Variants in SRPK1 observed in about 807,000 individuals in gnomAD.
The protein encoded by SRPK1 is SFRS protein kinase 1.
Under a neutral mutation model 89.5 loss-of-function variants are expected in SRPK1, and 52 were observed. That is an observed-to-expected ratio of 0.58 (90% CI 0.46 to 0.73). SRPK1 has a LOEUF of 0.73. Ranked by LOEUF, SRPK1 falls within the 30% of genes least tolerant of loss-of-function variation. The pLI, the probability that SRPK1 is intolerant of heterozygous loss-of-function variation, is 0.00. For synonymous variants in SRPK1, 255 were observed against 270.2 expected, an observed-to-expected ratio of 0.94 and a Z score of 0.55; for missense variants, 603 against 780.6, an observed-to-expected ratio of 0.77 and a Z score of 2.71.
intron 2 of SRPK1, among the ~76,000 whole-genome samples, chr6:35,912,265 C>T (rs758695325): frequency 3.5e-4 from 53 of 152,218 alleles, no homozygotes; most frequent in African/African-American, 1.2e-3. Context: ...GCAGGAGGAA[C>T]GCATGCACCC....
chr6:35,855,932 G>A (rs1769656383), intron 13 of SRPK1, among the ~76,000 whole-genome samples: 1 of 152,128 alleles, frequency 6.6e-6, no homozygotes, highest in Admixed American at 6.5e-5. Context: ...TCATCATGTT[G>A]GTCAGGCTGG....
At position 35,888,911 on chromosome 6, in the gene SRPK1, AGAT is replaced by A. The variant is rs1285325020; in HGVS notation, c.203_205del (p.His68del). On this transcript the variant is annotated inframe_deletion, in exon 4 of 16. Transcript: ENST00000373825. Reference sequence around the variant, plus strand: ...ATTGAATAGATCTCCAATTTTCACAAGATGATAACCTCCTGGAAGAAACAGGGG... The same window carrying A: ...ATTGAATAGATCTCCAATTTTCACAAGATAACCTCCTGGAAGAAACAGGGG... 5.0e-6 allele frequency: 8 copies of A among 1,610,894 alleles called. No homozygotes were observed. Among genetic ancestry groups the A allele is most frequent in the Non-Finnish European group, 5.9e-6 (7 of 1,177,212 alleles).
At chr6:35,872,436 G>C (rs1770053196) in intron 8 of SRPK1, 127 bp downstream of exon 8, 1 of 874,866 alleles carries the variant, frequency 1.1e-6, no homozygotes, top group Non-Finnish European at 1.6e-6. Flanking sequence ...CTTGGAAGCT[G>C]ATAATGTTTC....
intron 6 of SRPK1, among the ~76,000 whole-genome samples, chr6:35,881,435 A>ATAGATATAGAT (rs1770286265): frequency 1.8e-5 from 1 of 55,504 alleles, no homozygotes; most frequent in Non-Finnish European, 3.5e-5. Flanking sequence ...ACATATAGAT[A>ATAGATATAGAT]TAGATATAGA....
intron 3 of SRPK1, 46 bp from the exon 4 acceptor site, chr6:35,888,969 A>G (rs1770464170): frequency 7.5e-7 from 1 of 1,341,710 alleles, no homozygotes; most frequent in Non-Finnish European, 1.1e-6. Context: ...AGGATGAGAA[A>G]CAATGGTAAG....
intron 6 of SRPK1, among the ~76,000 whole-genome samples, chr6:35,883,953 T>G (rs1770351150): frequency 1.3e-5 from 2 of 152,064 alleles, no homozygotes; most frequent in Admixed American, 6.6e-5. Context: ...CAAGATGGTC[T>G]CGGTCTCCTG....
chr6:35,862,381 C>T (rs73729611), intron 12 of SRPK1, among the ~76,000 whole-genome samples: 1 of 152,134 alleles, frequency 6.6e-6, no homozygotes, highest in Non-Finnish European at 1.5e-5. Flanking sequence ...CCCTAAGCCA[C>T]AGAGGAAATT....
chr6:35,862,073 T>TAACAAA (rs1769794093), intron 12 of SRPK1, among the ~76,000 whole-genome samples: 1 of 151,532 alleles, frequency 6.6e-6, no homozygotes, highest in African/African-American at 2.4e-5. Flanking sequence ...CCATCACAGC[T>TAACAAA]AACAACAACA....
At chr6:35,846,819 C>A (rs1769435941) in intron 13 of SRPK1, among the ~76,000 whole-genome samples, 1 of 152,158 alleles carries the variant, frequency 6.6e-6, no homozygotes, top group Non-Finnish European at 1.5e-5. Flanking sequence ...GGCTTCACTG[C>A]TGAATTCTAC....
chr6:35,885,298 C>CACACACAGAGAGAG (rs1276672274), intron 6 of SRPK1, among the ~76,000 whole-genome samples: 4 of 113,186 alleles, frequency 3.5e-5, no homozygotes, highest in Middle Eastern at 4.5e-3. Flanking sequence ...CACACACACA[C>CACACACAGAGAGAG]AGAGAGAGAG....
intron 2 of SRPK1, among the ~76,000 whole-genome samples, chr6:35,910,717 G>A (rs559951481): frequency 9.2e-5 from 14 of 152,246 alleles, no homozygotes; most frequent in Admixed American, 2.6e-4. Context: ...AGCAGCTAAC[G>A]TACCTAGTGA....
intron 2 of SRPK1, among the ~76,000 whole-genome samples, chr6:35,892,653 AAACAAC>A (rs34158380): frequency 0.028 from 4,121 of 148,486 alleles, 172 homozygotes; most frequent in African/African-American, 0.089. Flanking sequence ...TTCTGTCTAA[AAACAAC>A]AACAACAACA....
chr6:35,910,880 A>G (rs750633508), intron 2 of SRPK1, among the ~76,000 whole-genome samples: 6 of 152,236 alleles, frequency 3.9e-5, no homozygotes, highest in Non-Finnish European at 7.3e-5. Flanking sequence ...GAATATTTTA[A>G]GGCCACTATT....
chr6:35,843,697 C>A (rs1443524353), intron 13 of SRPK1, among the ~76,000 whole-genome samples: 3 of 152,134 alleles, frequency 2.0e-5, no homozygotes, highest in Non-Finnish European at 4.4e-5. Flanking sequence ...GATCCACCCG[C>A]CTCTGCCTCC....
intron 6 of SRPK1, among the ~76,000 whole-genome samples, chr6:35,885,998 T>TA (rs1207591806): frequency 6.6e-6 from 1 of 152,150 alleles, no homozygotes; most frequent in African/African-American, 2.4e-5. Context: ...GTATAATAAA[T>TA]ACAATCATAC....
At chr6:35,863,445 C>A (rs1769825506) in intron 12 of SRPK1, among the ~76,000 whole-genome samples, 2 of 143,364 alleles carry the variant, frequency 1.4e-5, no homozygotes, top group African/African-American at 2.5e-5. Flanking sequence ...CAACAGAGAC[C>A]CTGTTTCTTA....
chr6:35,882,089 T>C (rs945773483), intron 6 of SRPK1, among the ~76,000 whole-genome samples: 18 of 148,710 alleles, frequency 1.2e-4, no homozygotes, highest in African/African-American at 4.4e-4. Flanking sequence ...GTAGTAGCAG[T>C]AGTAGTAGTA....
intron 12 of SRPK1, among the ~76,000 whole-genome samples, chr6:35,865,126 C>A (rs1282412572): frequency 6.6e-6 from 1 of 152,032 alleles, no homozygotes; most frequent in Non-Finnish European, 1.5e-5. Flanking sequence ...TCTTTCATAG[C>A]ACAACAGGGT....
chr6:35,835,279 C>T lies in SRPK1; in HGVS notation c.*25G>A. The stretch of plus-strand genomic sequence containing the variant: ...GAAGGGCGGAGGGTCAGTGTGTGAT[C>T]TCTGCTGTGGTGCTGGGCAGGGGCT... On this transcript the variant is annotated 3_prime_UTR_variant, in exon 16 of 16. Coordinates refer to ENST00000373825, the MANE Select transcript of SRPK1 (RefSeq NM_003137.5). The T allele has an allele frequency of 6.3e-7, 1 of 1,597,014 alleles. No homozygotes were observed.
Sources: gnomAD v4.1 joint callset for allele counts (sites outside exome capture counted in the v4.1 genomes callset) on GRCh38, gnomAD v4.1.1 for gene constraint, MANE v1.5 for transcripts, NCBI Gene and HGNC (gene_info 2026-07-23, HGNC 2026-07-21) for gene names.